EYS: variants seen among roughly 807,000 people sequenced by gnomAD.
EYS encodes the protein protein eyes shut homolog.
A neutral mutation model predicts 282.1 loss-of-function variants in EYS; 250 were observed. The ratio of observed to expected loss-of-function variants is 0.89; its 90% CI spans 0.80 to 0.98. The LOEUF (loss-of-function observed/expected upper bound fraction) is 0.98. EYS is among the 50% of genes least tolerant of loss of function. EYS has a pLI of 0.00. For missense variants in EYS, 4,016 were observed against 3,709.0 expected, an observed-to-expected ratio of 1.08 and a Z score of -2.15; for synonymous variants, 1,355 against 1,282.9, an observed-to-expected ratio of 1.06 and a Z score of -1.20.
chr6:64,824,786 C>T (rs1476795569), intron 19 of EYS, among the ~76,000 whole-genome samples: 3 of 151,814 alleles, frequency 2.0e-5, no homozygotes, highest in Non-Finnish European at 2.9e-5. Flanking sequence ...CCATAAAAGG[C>T]AAACATGTCT....
intron 13 of EYS, among the ~76,000 whole-genome samples, chr6:65,015,027 T>C (rs1486185432): frequency 1.3e-5 from 2 of 152,024 alleles, no homozygotes; most frequent in Non-Finnish European, 2.9e-5. Context: ...GAAGGGGTCA[T>C]GAGCCCAGGA....
chr6:64,380,497 A>G (rs979706638), intron 29 of EYS, among the ~76,000 whole-genome samples: 58 of 152,332 alleles, frequency 3.8e-4, no homozygotes, highest in Non-Finnish European at 1.6e-4. Flanking sequence ...TATTTTATAC[A>G]CTTTATGTGA....
chr6:63,954,684 T>A (rs1457724355), intron 35 of EYS, among the ~76,000 whole-genome samples: 10 of 152,068 alleles, frequency 6.6e-5, no homozygotes, highest in African/African-American at 2.4e-4. Context: ...CTCACGGCAG[T>A]TGTTCTTCTC....
intron 36 of EYS, among the ~76,000 whole-genome samples, chr6:63,817,444 C>CG (rs1000449737): frequency 5.3e-5 from 8 of 152,164 alleles, no homozygotes; most frequent in Admixed American, 1.3e-4. Context: ...CATGGGACCA[C>CG]GGGTAGCTTG....
chr6:65,443,242 A>G (rs1329802516), intron 5 of EYS, among the ~76,000 whole-genome samples: 1 of 151,786 alleles, frequency 6.6e-6, no homozygotes, highest in Non-Finnish European at 1.5e-5. Context: ...GAACATATAG[A>G]CATATGTGTA....
chr6:65,041,817 G>A (rs546693986), intron 13 of EYS, among the ~76,000 whole-genome samples: 2 of 151,652 alleles, frequency 1.3e-5, no homozygotes, highest in African/African-American at 4.8e-5. Context: ...ATATAATACA[G>A]TTTCCATTTC....
chr6:65,501,793 T>G lies in EYS; in HGVS notation c.-332-5800A>C, dbSNP rs117527763. On this transcript the variant is annotated intron_variant, in intron 2 of 42. Transcript: ENST00000503581. The stretch of plus-strand genomic sequence containing the variant: ...TAAGAAATTAGTTTTTTTGAAACAC[T>G]TTAAGCTTGCCTTAAAAAATATTAT... Among the ~76,000 whole-genome samples, 101 of 151,838 alleles carry G rather than the reference T, an allele frequency of 6.7e-4. 4 individuals are homozygous for G. The East Asian group carries it at 0.017, about 26-fold the overall frequency.
intron 22 of EYS, among the ~76,000 whole-genome samples, chr6:64,772,911 A>T (rs62415483): frequency 0.21 from 31,543 of 151,684 alleles, 4,049 homozygotes; most frequent in East Asian, 0.36. Flanking sequence ...CTTCTTCTAC[A>T]TGGATATGGC....
intron 36 of EYS, 108 bp from the exon 37 acceptor site, chr6:63,806,480 C>A (rs1770912462): frequency 1.2e-5 from 11 of 939,878 alleles, no homozygotes; most frequent in Non-Finnish European, 1.7e-5. Flanking sequence ...TTTACTATTA[C>A]ATTAATTATA....
chr6:63,955,430 C>T (rs1328327396), intron 35 of EYS, among the ~76,000 whole-genome samples: 3 of 152,164 alleles, frequency 2.0e-5, no homozygotes, highest in Admixed American at 6.5e-5. Context: ...TACTTTCACC[C>T]TGATGAAGTC....
At chr6:64,491,232 T>C (rs1776729514) in intron 26 of EYS, among the ~76,000 whole-genome samples, 1 of 150,914 alleles carries the variant, frequency 6.6e-6, no homozygotes. Flanking sequence ...AAAAATATTA[T>C]GTTTGCACAT....
At chr6:64,500,256 G>C (rs1776996891) in intron 26 of EYS, among the ~76,000 whole-genome samples, 1 of 151,960 alleles carries the variant, frequency 6.6e-6, no homozygotes, top group African/African-American at 2.4e-5. Flanking sequence ...AAATGGAATA[G>C]ACATCCATTC....
At chr6:65,440,157 G>A (rs1307050168) in intron 5 of EYS, among the ~76,000 whole-genome samples, 2 of 152,002 alleles carry the variant, frequency 1.3e-5, no homozygotes, top group African/African-American at 4.8e-5. Flanking sequence ...TAAAATAAAG[G>A]TGAAGTTAAA....
At chr6:65,456,935 T>C (rs1345120475) in intron 5 of EYS, among the ~76,000 whole-genome samples, 1 of 152,144 alleles carries the variant, frequency 6.6e-6, no homozygotes, top group Non-Finnish European at 1.5e-5. Context: ...TTCAAAACTG[T>C]TGAAGACGTT....
intron 26 of EYS, among the ~76,000 whole-genome samples, chr6:64,504,271 C>A (rs1777143080): frequency 6.6e-6 from 1 of 152,042 alleles, no homozygotes; most frequent in Non-Finnish European, 1.5e-5. Context: ...TATAATTATT[C>A]CCTCAAGTTT....
At chr6:64,002,502 G>A (rs749406087) in intron 33 of EYS, among the ~76,000 whole-genome samples, 3 of 152,144 alleles carry the variant, frequency 2.0e-5, no homozygotes, top group African/African-American at 4.8e-5. Context: ...CTTGGGTTTC[G>A]GGAGTCACAG....
intron 22 of EYS, among the ~76,000 whole-genome samples, chr6:64,723,400 G>A (rs1771651113): frequency 6.6e-6 from 1 of 152,092 alleles, no homozygotes; most frequent in African/African-American, 2.4e-5. Flanking sequence ...GTGTATAGAT[G>A]AAACTAAAAA....
At position 64,805,127 on chromosome 6, in the gene EYS, T is replaced by G. The variant is rs561487633; in HGVS notation, c.3443+8251A>C. On this transcript the variant is annotated intron_variant, in intron 22 of 42. Coordinates refer to ENST00000503581, the MANE Select transcript of EYS (RefSeq NM_001142800.2). Reference sequence around the variant, plus strand: ...CTAAAAAATACAGCAATTGCCAATTTTCAGTGTAAGTATTATGTGTAAATC... The same window carrying G: ...CTAAAAAATACAGCAATTGCCAATTGTCAGTGTAAGTATTATGTGTAAATC... 2.0e-5 allele frequency among the ~76,000 whole-genome samples: 3 copies of G among 152,168 alleles called. No individual in the cohort carries two copies. The South Asian group carries it at 6.2e-4, about 31-fold the overall frequency.
rs576453023 is a variant in EYS at position 63,835,848 on chromosome 6, G to C, written c.7228+28338C>G. ...GGAAGTAGAAAAAAGTGATAAATTT[G>C]GCTATTTAAAACTTCTTAATTCTTA... On this transcript the variant is annotated intron_variant, in intron 36 of 42. Coordinates refer to ENST00000503581, the MANE Select transcript of EYS (RefSeq NM_001142800.2). Among the ~76,000 whole-genome samples the C allele has an allele frequency of 7.9e-5, 12 of 152,148 alleles. No homozygotes were observed. In the South Asian group the frequency reaches 2.5e-3, roughly 32 times the overall value.
Sources: allele counts gnomAD v4.1 joint callset (sites outside exome capture counted in the v4.1 genomes callset), GRCh38; gene constraint gnomAD v4.1.1; transcripts MANE v1.5; gene names NCBI Gene and HGNC (gene_info 2026-07-23, HGNC 2026-07-21).